Variants in ARHGAP6 observed in about 807,000 individuals in gnomAD.
ARHGAP6 encodes the protein Rho GTPase activating protein 6.
In ARHGAP6, 16 loss-of-function variants were observed where a neutral mutation model predicts 55.7. The observed-to-expected ratio is 0.29, with a 90% CI of 0.19 to 0.44. The LOEUF (loss-of-function observed/expected upper bound fraction) is 0.44. Among genes scored for constraint, ARHGAP6 ranks in the 20% least tolerant of loss-of-function variants. The pLI is 1.00. For synonymous variants in ARHGAP6, 382 were observed against 360.9 expected (o/e 1.06, Z -0.66); for missense variants, 698 against 808.9 (o/e 0.86, Z 1.66).
At chrX:11,198,454 G>A (rs1310913766) in intron 2 of ARHGAP6, among the ~76,000 whole-genome samples, 6 of 111,875 alleles carry the variant, frequency 5.4e-5, no homozygotes, top group African/African-American at 2.0e-4. Flanking sequence ...CATGCTAACT[G>A]TACAAGATTC....
intron 1 of ARHGAP6, among the ~76,000 whole-genome samples, chrX:11,638,403 T>A (rs969703124): frequency 1.8e-5 from 2 of 112,148 alleles, no homozygotes; most frequent in Non-Finnish European, 3.8e-5. Flanking sequence ...TCAGGTTCTA[T>A]GTGCAAATAA....
At chrX:11,227,010 ATTAT>A (rs1474181843) in intron 2 of ARHGAP6, among the ~76,000 whole-genome samples, 2 of 112,346 alleles carry the variant, frequency 1.8e-5, no homozygotes, top group African/African-American at 6.5e-5. Flanking sequence ...GTAGATGTAT[ATTAT>A]TTAGGAAACA....
At chrX:11,521,038 T>A (rs376487362) in intron 1 of ARHGAP6, among the ~76,000 whole-genome samples, 25 of 111,369 alleles carry the variant, frequency 2.2e-4, no homozygotes, top group Admixed American at 2.2e-3. Flanking sequence ...GTTTGAGTTC[T>A]TTGTAGATTC....
chrX:11,164,342 C>T (rs953202764), intron 9 of ARHGAP6, among the ~76,000 whole-genome samples: 6 of 111,750 alleles, frequency 5.4e-5, no homozygotes, highest in Non-Finnish European at 9.4e-5. Context: ...CAATAATGTA[C>T]GTAATGAGTA....
Position 11,664,280 on chromosome X carries a change from G to C in ARHGAP6, c.549C>G (p.Pro183=), listed in dbSNP as rs779871942. ...CGACGTAGGGGTGCCCGCGACTGTC[G>C]GGTGGGGACTGGAACTTCCTCTGCT... is the stretch of plus-strand genomic sequence containing the variant. The part of the protein sequence containing the change: ...WLQQRKFQSP[P]DSRGHPYVVW... The change falls in exon 1 of 13, where the codon CCC becomes CCG. Residue 183 remains proline, a synonymous_variant. Coordinates refer to ENST00000337414, the MANE Select transcript of ARHGAP6 (RefSeq NM_013427.3). 8.3e-7 allele frequency: 1 copy of C among 1,210,419 alleles called. No homozygotes were observed. Among genetic ancestry groups the C allele is most frequent in the East Asian group, 3.0e-5 (1 of 33,784 alleles).
At chrX:11,596,193 C>T (rs1036735414) in intron 1 of ARHGAP6, among the ~76,000 whole-genome samples, 17 of 111,943 alleles carry the variant, frequency 1.5e-4, no homozygotes, top group Non-Finnish European at 2.4e-4. Flanking sequence ...CAATAATAGA[C>T]TGGATAAAGA....
chrX:11,559,346 T>C (rs752659751), intron 1 of ARHGAP6, among the ~76,000 whole-genome samples: 1 of 111,382 alleles, frequency 9.0e-6, no homozygotes, highest in Admixed American at 9.5e-5. Flanking sequence ...CTGGAATGTG[T>C]TCTTCCTTGT....
intron 9 of ARHGAP6, among the ~76,000 whole-genome samples, chrX:11,159,106 T>C (rs1271338596): frequency 4.5e-5 from 5 of 110,747 alleles, no homozygotes; most frequent in African/African-American, 6.6e-5. Context: ...ATGATAAAGG[T>C]CTTGAGTCAA....
intron 1 of ARHGAP6, among the ~76,000 whole-genome samples, chrX:11,507,703 A>G (rs1297147097): frequency 1.8e-5 from 2 of 111,519 alleles, no homozygotes; most frequent in African/African-American, 6.5e-5. Context: ...CACAGAGGCA[A>G]TTGTGCCCCC....
At chrX:11,256,970 C>A (rs2047501459) in intron 1 of ARHGAP6, among the ~76,000 whole-genome samples, 1 of 111,004 alleles carries the variant, frequency 9.0e-6, no homozygotes, top group Non-Finnish European at 1.9e-5. Flanking sequence ...GAAGAAAATT[C>A]TTCTGGGGCC....
intron 1 of ARHGAP6, among the ~76,000 whole-genome samples, chrX:11,297,617 T>C (rs2048108504): frequency 8.9e-6 from 1 of 111,891 alleles, no homozygotes; most frequent in Admixed American, 9.5e-5. Context: ...GGAATAAGAT[T>C]CTTACTTCTC....
intron 1 of ARHGAP6, among the ~76,000 whole-genome samples, chrX:11,387,486 C>T (rs1352932490): frequency 3.6e-5 from 4 of 111,992 alleles, no homozygotes; most frequent in African/African-American, 6.5e-5. Context: ...CTTATTTGAA[C>T]TTCGCAGGTA....
intron 1 of ARHGAP6, among the ~76,000 whole-genome samples, chrX:11,590,819 A>T (rs1160607244): frequency 5.7e-5 from 3 of 52,457 alleles, no homozygotes; most frequent in African/African-American, 3.4e-4. Context: ...AAGAAAAGAA[A>T]AGAAAAGAAA....
chrX:11,501,608 C>T (rs1213601510), intron 1 of ARHGAP6, among the ~76,000 whole-genome samples: 2 of 111,833 alleles, frequency 1.8e-5, no homozygotes, highest in African/African-American at 6.5e-5. Flanking sequence ...AAAAACTTTA[C>T]TTTTAATGGC....
intron 1 of ARHGAP6, among the ~76,000 whole-genome samples, chrX:11,565,941 G>C (rs2051436508): frequency 9.0e-6 from 1 of 111,615 alleles, no homozygotes. Flanking sequence ...TTGTCAAGGA[G>C]GGACCTATTC....
At chrX:11,656,503 G>A (rs1386759328) in intron 1 of ARHGAP6, among the ~76,000 whole-genome samples, 1 of 112,362 alleles carries the variant, frequency 8.9e-6, no homozygotes, top group Non-Finnish European at 1.9e-5. Flanking sequence ...TCCTCCTGAA[G>A]GTTCTAAGAA....
intron 2 of ARHGAP6, among the ~76,000 whole-genome samples, chrX:11,235,151 C>T (rs1227603561): frequency 2.7e-5 from 3 of 113,027 alleles, no homozygotes; most frequent in African/African-American, 9.6e-5. Context: ...CCTGGACATC[C>T]AGGTGTTTCC....
At chrX:11,607,106 T>A (rs1411105696) in intron 1 of ARHGAP6, among the ~76,000 whole-genome samples, 1 of 112,413 alleles carries the variant, frequency 8.9e-6, no homozygotes, top group Non-Finnish European at 1.9e-5. Context: ...TTCATTGTAA[T>A]CTTTGAATGC....
intron 1 of ARHGAP6, among the ~76,000 whole-genome samples, chrX:11,578,038 G>A (rs913616142): frequency 3.6e-5 from 4 of 111,470 alleles, no homozygotes; most frequent in Non-Finnish European, 1.9e-5. Flanking sequence ...AAAAAAGAAG[G>A]AAGAAAAGGA....
Sources: gnomAD v4.1 joint callset for allele counts (sites outside exome capture counted in the v4.1 genomes callset) on GRCh38, gnomAD v4.1.1 for gene constraint, MANE v1.5 for transcripts, NCBI Gene and HGNC (gene_info 2026-07-23, HGNC 2026-07-21) for gene names.